Variants in CALCR observed in about 807,000 individuals in gnomAD.
CALCR encodes the protein calcitonin receptor.
Under a neutral mutation model 59.5 loss-of-function variants are expected in CALCR, and 47 were observed. That is an observed-to-expected ratio of 0.79 (90% CI 0.63 to 1.01). CALCR has a LOEUF of 1.01. Ranked by LOEUF, CALCR falls within the 50% of genes least tolerant of loss-of-function variation. The pLI, the probability that CALCR is intolerant of heterozygous loss-of-function variation, is 0.00. For missense variants in CALCR, 566 were observed against 597.1 expected (o/e 0.95, Z 0.54); for synonymous variants, 213 against 211.3 (o/e 1.01, Z -0.07).
chr7:93,445,654 T>C (rs1271586875), intron 8 of CALCR, among the ~76,000 whole-genome samples: 1 of 152,086 alleles, frequency 6.6e-6, no homozygotes, highest in African/African-American at 2.4e-5. Flanking sequence ...CAGCAATCAA[T>C]AGCTAACTTT....
intron 2 of CALCR, among the ~76,000 whole-genome samples, chr7:93,527,594 G>A (rs539564998): frequency 6.6e-5 from 10 of 152,096 alleles, no homozygotes; most frequent in Admixed American, 4.6e-4. Flanking sequence ...GACAAATTAC[G>A]AGTTAGCAGC....
At chr7:93,564,799 C>G (rs1285105922) in intron 2 of CALCR, among the ~76,000 whole-genome samples, 1 of 151,670 alleles carries the variant, frequency 6.6e-6, no homozygotes, top group Non-Finnish European at 1.5e-5. Context: ...ACTTCACTGT[C>G]ATACTTTGCA....
chr7:93,572,762 T>A (rs1298872972), intron 2 of CALCR, among the ~76,000 whole-genome samples: 1 of 152,184 alleles, frequency 6.6e-6, no homozygotes, highest in Non-Finnish European at 1.5e-5. Flanking sequence ...CGTATTTATA[T>A]CAGCTATTTC....
chr7:93,454,917 TGTGTGTG>T (rs1800179762), intron 8 of CALCR, among the ~76,000 whole-genome samples: 1 of 17,312 alleles, frequency 5.8e-5, no homozygotes, highest in African/African-American at 2.2e-4. Context: ...CAGGGCATTT[TGTGTGTG>T]TGTGTGTGTG....
chr7:93,543,203 C>T (rs1272217679), intron 2 of CALCR, among the ~76,000 whole-genome samples: 2 of 152,022 alleles, frequency 1.3e-5, no homozygotes, highest in African/African-American at 4.8e-5. Flanking sequence ...GGTGTGCAGT[C>T]GCACGATCTC....
rs112066272 is a variant in CALCR at position 93,460,413 on chromosome 7, G to A, written c.648+408C>T. Among the ~76,000 whole-genome samples the A allele has an allele frequency of 3.3e-3, 498 of 150,936 alleles. 6 individuals carry two copies. Among genetic ancestry groups the A allele is most frequent in the African/African-American group, 0.011 (468 of 41,030 alleles). ...TACTAAAAATACAAAAAAATTAGCCGGGCATGGTGTCGCATGCCTGTAATC... is the reference window on the plus strand; with the variant it reads ...TACTAAAAATACAAAAAAATTAGCCAGGCATGGTGTCGCATGCCTGTAATC... On this transcript the variant is annotated intron_variant, in intron 8 of 13. Coordinates refer to ENST00000426151, the MANE Select transcript of CALCR (RefSeq NM_001742.4).
intron 8 of CALCR, among the ~76,000 whole-genome samples, chr7:93,444,150 G>A (rs118009306): frequency 1.9e-3 from 282 of 152,178 alleles, no homozygotes; most frequent in Middle Eastern, 3.4e-3. Flanking sequence ...TTTTAATGCT[G>A]CTTCTGAAAT....
chr7:93,455,699 T>G (rs1800195923), intron 8 of CALCR, among the ~76,000 whole-genome samples: 1 of 152,074 alleles, frequency 6.6e-6, no homozygotes, highest in African/African-American at 2.4e-5. Flanking sequence ...CTAGTTCTTG[T>G]TTATCCCCTT....
chr7:93,427,366 T>C (rs1332623715), intron 13 of CALCR, among the ~76,000 whole-genome samples: 1 of 152,208 alleles, frequency 6.6e-6, no homozygotes, highest in East Asian at 1.9e-4. Context: ...AGTTCCTCCT[T>C]CCTGTTGTCT....
intron 2 of CALCR, among the ~76,000 whole-genome samples, chr7:93,492,047 T>C (rs1316506968): frequency 6.6e-6 from 1 of 151,974 alleles, no homozygotes; most frequent in Non-Finnish European, 1.5e-5. Flanking sequence ...GTGGTACATA[T>C]ACACAATGGA....
intron 2 of CALCR, among the ~76,000 whole-genome samples, chr7:93,541,859 G>A (rs1418544825): frequency 1.3e-5 from 2 of 152,038 alleles, no homozygotes; most frequent in East Asian, 3.9e-4. Context: ...TCTGCTATAG[G>A]GCATTAGACA....
chr7:93,566,215 T>C (rs940498941), intron 2 of CALCR, among the ~76,000 whole-genome samples: 1 of 152,200 alleles, frequency 6.6e-6, no homozygotes, highest in Non-Finnish European at 1.5e-5. Flanking sequence ...TAAAAACCTA[T>C]GAAATCCTAG....
chr7:93,519,033 G>C (rs1020985731), intron 2 of CALCR, among the ~76,000 whole-genome samples: 1 of 151,832 alleles, frequency 6.6e-6, no homozygotes, highest in South Asian at 2.1e-4. Context: ...AAAAGCTTAA[G>C]CCATGCTAAC....
Position 93,443,801 on chromosome 7 carries a change from A to G in CALCR, c.649-44T>C, listed in dbSNP as rs774313528. 14 of 1,563,016 alleles carry G rather than the reference A, an allele frequency of 9.0e-6. 1 individual carries two copies. The Admixed American group carries it at 2.4e-4, about 26-fold the overall frequency. ...GATACTCAGAGAAAGACACAGGTAAAGATCTGCCAGGGAGCACAGAGCAAA... is the reference window on the plus strand; with the variant it reads ...GATACTCAGAGAAAGACACAGGTAAGGATCTGCCAGGGAGCACAGAGCAAA... On this transcript the variant is annotated intron_variant, in intron 8 of 13. Transcript: ENST00000426151.
chr7:93,438,954 C>T (rs1799842706), intron 9 of CALCR, among the ~76,000 whole-genome samples: 1 of 151,474 alleles, frequency 6.6e-6, no homozygotes, highest in South Asian at 2.1e-4. Flanking sequence ...ACAGTTATTG[C>T]AATACGTCCT....
intron 2 of CALCR, among the ~76,000 whole-genome samples, chr7:93,498,837 A>G (rs139008685): frequency 0.028 from 4,277 of 151,754 alleles, 74 homozygotes; most frequent in Middle Eastern, 0.061. Context: ...ATTTTGAGAA[A>G]CTGATTGTAA....
At position 93,472,666 on chromosome 7, in the gene CALCR, G is replaced by A. The variant is rs901054923; in HGVS notation, c.317-179C>T. On this transcript the variant is annotated intron_variant, in intron 5 of 13. Transcript: ENST00000426151. ...TATACAAAGTGTATTAATATGTATT[G>A]TCTCATTTTATCTTTAGCAAAGCCA... is the stretch of plus-strand genomic sequence containing the variant. Among the ~76,000 whole-genome samples, 8 of 151,696 alleles carry A rather than the reference G, an allele frequency of 5.3e-5. No individual in the cohort carries two copies. The East Asian group carries it at 1.6e-3, about 29-fold the overall frequency.
At chr7:93,526,225 T>A (rs913436180) in intron 2 of CALCR, among the ~76,000 whole-genome samples, 1 of 152,156 alleles carries the variant, frequency 6.6e-6, no homozygotes, top group East Asian at 1.9e-4. Context: ...ACTTGGACCC[T>A]AAGTGATAAA....
At chr7:93,456,641 T>C (rs1410471336) in intron 8 of CALCR, among the ~76,000 whole-genome samples, 1 of 152,124 alleles carries the variant, frequency 6.6e-6, no homozygotes, top group African/African-American at 2.4e-5. Context: ...AAGTACTTGA[T>C]TGATGGGATA....
Sources: allele counts gnomAD v4.1 joint callset (sites outside exome capture counted in the v4.1 genomes callset), GRCh38; gene constraint gnomAD v4.1.1; transcripts MANE v1.5; gene names NCBI Gene and HGNC (gene_info 2026-07-23, HGNC 2026-07-21).